DDX10: variants seen among roughly 807,000 people sequenced by gnomAD.
The protein encoded by DDX10 is DEAD-box helicase 10.
DDX10 carries 74 observed loss-of-function variants against 104.3 expected under a neutral mutation model. That is an observed-to-expected ratio of 0.71 (90% CI 0.59 to 0.86). The LOEUF (loss-of-function observed/expected upper bound fraction) is 0.86, where lower values mean the gene tolerates loss of function less well. DDX10 is among the 40% of genes least tolerant of loss of function. The pLI is 0.00. For synonymous variants in DDX10, 351 were observed against 353.4 expected (o/e 0.99, Z 0.08); for missense variants, 952 against 1,040.0 (o/e 0.92, Z 1.16).
intron 13 of DDX10, among the ~76,000 whole-genome samples, chr11:108,779,718 A>G (rs1323936095): frequency 6.6e-6 from 1 of 152,240 alleles, no homozygotes; most frequent in African/African-American, 2.4e-5. Flanking sequence ...CATGGGCTTC[A>G]TGTTAGTTGC....
Position 108,688,939 on chromosome 11 carries a change from C to T in DDX10, c.852C>T (p.Thr284=), listed in dbSNP as rs2094248244. ...TTCTTTTCCGTAATTCCACAAGCAC[C>T]CCTGCCACTTTGGAACAGAACTACA... is the stretch of plus-strand genomic sequence containing the variant. ...VWVHEKAKYS[T]PATLEQNYIV... The change falls in exon 7 of 18, where the codon ACC becomes ACT. Residue 284 remains threonine (T), a synonymous_variant. Transcript: ENST00000322536. 6.2e-7 allele frequency: 1 copy of T among 1,611,442 alleles called. No homozygotes were observed. Among genetic ancestry groups the T allele is most frequent in the East Asian group, 2.2e-5 (1 of 44,818 alleles).
At chr11:108,915,926 C>T (rs1184799599) in intron 16 of DDX10, among the ~76,000 whole-genome samples, 1 of 113,842 alleles carries the variant, frequency 8.8e-6, no homozygotes, top group East Asian at 2.4e-4. Flanking sequence ...TTAACCCAGA[C>T]ATTAAAGAGA....
At chr11:108,898,131 T>C (rs1863465169) in intron 16 of DDX10, among the ~76,000 whole-genome samples, 1 of 152,102 alleles carries the variant, frequency 6.6e-6, no homozygotes, top group South Asian at 2.1e-4. Context: ...TCCCACAAAT[T>C]TGTGAGGGGG....
chr11:108,676,459 T>C (rs2094225289), intron 3 of DDX10, among the ~76,000 whole-genome samples: 1 of 152,214 alleles, frequency 6.6e-6, no homozygotes, highest in African/African-American at 2.4e-5. Flanking sequence ...TTTTTATTTT[T>C]TTTTGAGATG....
chr11:108,879,884 A>G (rs1204597608), intron 16 of DDX10, among the ~76,000 whole-genome samples: 1 of 152,186 alleles, frequency 6.6e-6, no homozygotes, highest in Non-Finnish European at 1.5e-5. Flanking sequence ...TCTTAAACCT[A>G]TCAAGACCAG....
At chr11:108,840,036 G>A (rs1417647546) in intron 14 of DDX10, among the ~76,000 whole-genome samples, 2 of 152,152 alleles carry the variant, frequency 1.3e-5, no homozygotes, top group African/African-American at 2.4e-5. Flanking sequence ...CTGACTTAAA[G>A]CTCTGAAAGA....
rs115811964 is a variant in DDX10 at position 108,790,012 on chromosome 11, T to C, written c.1966-48434T>C. ...TTTTAAAAGCTTCCAGGTGGTTTTA[T>C]TGTGCAAGTAGCTAGGATTGGGAAC... On this transcript the variant is annotated intron_variant, in intron 13 of 17. Transcript: ENST00000322536. 3.4e-3 allele frequency among the ~76,000 whole-genome samples: 515 copies of C among 152,280 alleles called. 1 individual carries two copies. The highest frequency in any genetic ancestry group is 0.012 in the African/African-American group (493 of 41,560).
chr11:108,876,038 T>A (rs886996688), intron 16 of DDX10, among the ~76,000 whole-genome samples: 1 of 152,164 alleles, frequency 6.6e-6, no homozygotes, highest in Non-Finnish European at 1.5e-5. Flanking sequence ...TCTCCGAGAA[T>A]GTTAGGTTGA....
rs571727763 is a variant in DDX10 at position 108,704,725 on chromosome 11, T to C, written c.1224-2014T>C. Among the ~76,000 whole-genome samples the C allele has an allele frequency of 1.2e-4, 18 of 152,342 alleles. No homozygotes were observed. The South Asian group carries it at 3.3e-3, about 28-fold the overall frequency. On this transcript the variant is annotated intron_variant, in intron 9 of 17. Coordinates refer to ENST00000322536, the MANE Select transcript of DDX10 (RefSeq NM_004398.4). ...CATATTATTTTGTGTTAAAATACTA[T>C]GAGGAAGGTATTTGGTATTAGTCTT...
intron 13 of DDX10, among the ~76,000 whole-genome samples, chr11:108,795,769 C>A (rs1312123518): frequency 1.3e-5 from 2 of 152,066 alleles, no homozygotes; most frequent in Non-Finnish European, 2.9e-5. Context: ...GGTTCCAAGT[C>A]TTTGCTATTG....
rs1369928081 is a variant in DDX10, at chr11:108,827,077, TAATC to T, written c.1966-11368_1966-11365del. ...TGTAACTTTGAACAAACTGCTAAAT[TAATC>T]TAAGCTTTAGTTTTCTAATTAAAAA... On this transcript the variant is annotated intron_variant, in intron 13 of 17. Transcript: ENST00000322536. Among the ~76,000 whole-genome samples the T allele has an allele frequency of 2.6e-5, 4 of 152,350 alleles. No individual in the cohort carries two copies. In the East Asian group the frequency reaches 5.8e-4, roughly 22 times the overall value.
intron 13 of DDX10, among the ~76,000 whole-genome samples, chr11:108,747,106 A>G (rs1468125743): frequency 6.6e-6 from 1 of 152,136 alleles, no homozygotes; most frequent in African/African-American, 2.4e-5. Context: ...CTGAACATAT[A>G]TATATAAGAG....
intron 16 of DDX10, among the ~76,000 whole-genome samples, chr11:108,870,841 C>T (rs1591103986): frequency 6.6e-6 from 1 of 152,118 alleles, no homozygotes; most frequent in African/African-American, 2.4e-5. Flanking sequence ...GTGCCTAGAC[C>T]GATACGAACA....
intron 13 of DDX10, among the ~76,000 whole-genome samples, chr11:108,809,685 C>T (rs1862151874): frequency 6.6e-6 from 1 of 152,162 alleles, no homozygotes; most frequent in Non-Finnish European, 1.5e-5. Context: ...ATGAAGTCTG[C>T]CTTCATGGAA....
chr11:108,849,377 C>A (rs969995227), intron 15 of DDX10, among the ~76,000 whole-genome samples: 1 of 151,998 alleles, frequency 6.6e-6, no homozygotes, highest in African/African-American at 2.4e-5. Flanking sequence ...CATAACCTCC[C>A]AAAAATGAGT....
At chr11:108,731,669 T>G (rs934470862) in intron 13 of DDX10, among the ~76,000 whole-genome samples, 1 of 152,106 alleles carries the variant, frequency 6.6e-6, no homozygotes, top group Admixed American at 6.6e-5. Context: ...CCCAAAGTTC[T>G]GGGATTATAG....
intron 16 of DDX10, among the ~76,000 whole-genome samples, chr11:108,894,918 G>A (rs975673769): frequency 2.0e-5 from 3 of 151,622 alleles, no homozygotes; most frequent in South Asian, 2.1e-4. Context: ...TTTTTAAAAC[G>A]GAAATTTCTC....
chr11:108,874,796 G>T (rs144736014), intron 16 of DDX10, among the ~76,000 whole-genome samples: 35 of 151,228 alleles, frequency 2.3e-4, no homozygotes, highest in Non-Finnish European at 4.1e-4. Flanking sequence ...AGCCAGACTT[G>T]TTTTTTTTTA....
intron 6 of DDX10, among the ~76,000 whole-genome samples, chr11:108,688,642 A>C (rs774944258): frequency 6.6e-6 from 1 of 152,222 alleles, no homozygotes; most frequent in Admixed American, 6.5e-5. Flanking sequence ...CAGCCCAGCA[A>C]GTTCTCTTAC....
Sources: allele counts gnomAD v4.1 joint callset (sites outside exome capture counted in the v4.1 genomes callset), GRCh38; gene constraint gnomAD v4.1.1; transcripts MANE v1.5; gene names NCBI Gene and HGNC (gene_info 2026-07-23, HGNC 2026-07-21).